RNLS: variants seen among roughly 807,000 people sequenced by gnomAD.
RNLS encodes the protein renalase, FAD dependent amine oxidase.
In RNLS, 39 loss-of-function variants were observed where a neutral mutation model predicts 39.8. That is an observed-to-expected ratio of 0.98 (90% CI 0.76 to 1.28). The LOEUF is 1.28. Ranked by LOEUF, RNLS falls within the 50% of genes most tolerant of loss-of-function variation. RNLS has a pLI of 0.00. For synonymous variants in RNLS, 147 were observed against 150.7 expected (o/e 0.98, Z 0.18); for missense variants, 410 against 413.3 (o/e 0.99, Z 0.07).
At chr10:88,392,818 CAT>C (rs1193603141) in intron 4 of RNLS, among the ~76,000 whole-genome samples, 1 of 152,174 alleles carries the variant, frequency 6.6e-6, no homozygotes, top group African/African-American at 2.4e-5. Context: ...CTCTCAGGCA[CAT>C]CAAAAAGCTT....
At chr10:88,185,415 G>GT in the RNLS span, among the ~76,000 whole-genome samples, 5 of 151,540 alleles carry the variant, frequency 3.3e-5, no homozygotes, top group African/African-American at 9.7e-5. Flanking sequence ...CATTTATATT[G>GT]TTTTTTTAAA....
intron 4 of RNLS, among the ~76,000 whole-genome samples, chr10:88,382,671 T>C (rs1222239467): frequency 1.3e-5 from 2 of 152,124 alleles, no homozygotes; most frequent in Admixed American, 6.5e-5. Context: ...CTGGAAGCAA[T>C]GGCAATTGTT....
chr10:88,556,367 A>G (rs1848877237), intron 4 of RNLS, among the ~76,000 whole-genome samples: 1 of 152,190 alleles, frequency 6.6e-6, no homozygotes, highest in Non-Finnish European at 1.5e-5. Context: ...GCTGTAGTCC[A>G]TGCCACCATC....
At chr10:88,493,127 T>G (rs931276821) in intron 4 of RNLS, among the ~76,000 whole-genome samples, 6 of 152,146 alleles carry the variant, frequency 3.9e-5, no homozygotes, top group African/African-American at 1.4e-4. Flanking sequence ...TACATGTTAT[T>G]TCTGCTCTGG....
intron 6 of RNLS, among the ~76,000 whole-genome samples, chr10:88,277,887 C>T (rs1469559360): frequency 1.3e-5 from 2 of 151,872 alleles, no homozygotes; most frequent in Admixed American, 6.6e-5. Context: ...GGTAGTATCC[C>T]GTTTCTAAAT....
chr10:88,510,136 T>C (rs1846031768), intron 4 of RNLS, among the ~76,000 whole-genome samples: 1 of 152,202 alleles, frequency 6.6e-6, no homozygotes, highest in Non-Finnish European at 1.5e-5. Context: ...GTGTCAAATT[T>C]ATGTTAGGCT....
At chr10:88,427,577 C>T (rs1005742947) in intron 4 of RNLS, among the ~76,000 whole-genome samples, 1 of 151,858 alleles carries the variant, frequency 6.6e-6, no homozygotes. Context: ...AACAGAAAAC[C>T]ATAATCAACT....
chr10:88,436,605 C>T (rs951089035), intron 4 of RNLS, among the ~76,000 whole-genome samples: 4 of 152,162 alleles, frequency 2.6e-5, no homozygotes, highest in African/African-American at 4.8e-5. Context: ...AGGATACAGA[C>T]CATTATATGC....
At chr10:88,351,792 G>A (rs977370506) in intron 5 of RNLS, among the ~76,000 whole-genome samples, 3 of 152,214 alleles carry the variant, frequency 2.0e-5, no homozygotes, top group African/African-American at 7.2e-5. Flanking sequence ...AATTACCTTG[G>A]GCAGTATGGC....
At chr10:88,188,999 T>A in the RNLS span, among the ~76,000 whole-genome samples, 1 of 152,210 alleles carries the variant, frequency 6.6e-6, no homozygotes, top group African/African-American at 2.4e-5. Flanking sequence ...GAGCCAGTTC[T>A]TAAACTGGTT....
chr10:88,256,227 T>C, the RNLS span, among the ~76,000 whole-genome samples: 2 of 152,208 alleles, frequency 1.3e-5, no homozygotes, highest in Non-Finnish European at 2.9e-5. Context: ...CATTCATAAA[T>C]GTGCAGCCAA....
intron 4 of RNLS, among the ~76,000 whole-genome samples, chr10:88,514,312 A>T (rs1846295444): frequency 6.6e-6 from 1 of 151,974 alleles, no homozygotes. Context: ...TATCACAAGA[A>T]CAGCATGGGG....
At chr10:88,409,617 T>C (rs1314365786) in intron 4 of RNLS, among the ~76,000 whole-genome samples, 2 of 152,092 alleles carry the variant, frequency 1.3e-5, no homozygotes, top group Non-Finnish European at 2.9e-5. Flanking sequence ...TTATATAAAA[T>C]AGTGGAGCCA....
At chr10:88,324,446 AAAAC>A (rs982651899) in intron 5 of RNLS, among the ~76,000 whole-genome samples, 1 of 149,576 alleles carries the variant, frequency 6.7e-6, no homozygotes, top group Non-Finnish European at 1.5e-5. Flanking sequence ...AAAAAAAACT[AAAAC>A]AGAAGATCAA....
chr10:88,314,683 T>C (rs1387614228), intron 5 of RNLS, 42 bp from the exon 6 acceptor site: 1 of 1,564,190 alleles, frequency 6.4e-7, no homozygotes, highest in Admixed American at 1.8e-5. Flanking sequence ...TTAAAGTGGG[T>C]AGCAGGCAAG....
the RNLS span, among the ~76,000 whole-genome samples, chr10:88,185,512 C>T: frequency 2.0e-5 from 3 of 152,112 alleles, no homozygotes; most frequent in Non-Finnish European, 4.4e-5. Context: ...CAAGGAGCTT[C>T]GTCTTCTACT....
chr10:88,298,789 CAAGA>C (rs751982938), intron 6 of RNLS, among the ~76,000 whole-genome samples: 4 of 151,874 alleles, frequency 2.6e-5, no homozygotes, highest in Non-Finnish European at 5.9e-5. Flanking sequence ...TTCTTTTTTT[CAAGA>C]TTGTTTTGGC....
At chr10:88,263,635 A>G in the RNLS span, among the ~76,000 whole-genome samples, 3 of 152,018 alleles carry the variant, frequency 2.0e-5, no homozygotes, top group African/African-American at 7.2e-5. Context: ...ACCTGCCTTA[A>G]TTGCACTGAT....
At chr10:88,241,822 C>A in the RNLS span, among the ~76,000 whole-genome samples, 1 of 152,166 alleles carries the variant, frequency 6.6e-6, no homozygotes, top group Non-Finnish European at 1.5e-5. Flanking sequence ...ATTTCATGCT[C>A]TGTGCATTTA....
Sources: gnomAD v4.1 joint callset for allele counts (sites outside exome capture counted in the v4.1 genomes callset) on GRCh38, gnomAD v4.1.1 for gene constraint, MANE v1.5 for transcripts, NCBI Gene and HGNC (gene_info 2026-07-23, HGNC 2026-07-21) for gene names.